The following RALYL variants were observed in gnomAD, a reference collection of about 807,000 sequenced individuals.
RALYL encodes RALY RNA binding protein like, also known as RNA-binding Raly-like protein.
A neutral mutation model predicts 35.1 loss-of-function variants in RALYL; 29 were observed. That is an observed-to-expected ratio of 0.83 (90% CI 0.61 to 1.13). The LOEUF (loss-of-function observed/expected upper bound fraction) is 1.13, where lower values mean the gene tolerates loss of function less well. RALYL is among the 50% of genes most tolerant of loss of function. RALYL has a pLI of 0.00. For synonymous variants in RALYL, 120 were observed against 127.6 expected (o/e 0.94, Z 0.40); for missense variants, 359 against 360.4 (o/e 1.00, Z 0.03).
intron 1 of RALYL, among the ~76,000 whole-genome samples, chr8:84,524,310 C>G (rs1014401262): frequency 6.6e-6 from 1 of 152,124 alleles, no homozygotes; most frequent in Non-Finnish European, 1.5e-5. Flanking sequence ...AGACATTTCT[C>G]AAAAGAAGAC....
chr8:84,317,087 A>G (rs1843892027), intron 1 of RALYL, among the ~76,000 whole-genome samples: 1 of 152,148 alleles, frequency 6.6e-6, no homozygotes, highest in South Asian at 2.1e-4. Context: ...AAAGGAATAT[A>G]GTCAGAGCAG....
intron 3 of RALYL, among the ~76,000 whole-genome samples, chr8:84,791,486 G>A (rs1362582730): frequency 6.6e-6 from 1 of 152,194 alleles, no homozygotes; most frequent in Non-Finnish European, 1.5e-5. Flanking sequence ...GTAAAATAAA[G>A]AGCTTTTGGA....
intron 1 of RALYL, among the ~76,000 whole-genome samples, chr8:84,388,615 GT>G (rs1245552799): frequency 1.3e-5 from 2 of 152,028 alleles, no homozygotes; most frequent in Non-Finnish European, 2.9e-5. Flanking sequence ...TTTTTCATGT[GT>G]TTTTTGGCTG....
chr8:84,605,609 C>T (rs1473442279), intron 2 of RALYL, among the ~76,000 whole-genome samples: 1 of 152,106 alleles, frequency 6.6e-6, no homozygotes, highest in Non-Finnish European at 1.5e-5. Flanking sequence ...AGGTTCTATG[C>T]CCACAGCCAT....
chr8:84,374,027 G>A (rs1173472292), intron 1 of RALYL, among the ~76,000 whole-genome samples: 1 of 151,882 alleles, frequency 6.6e-6, no homozygotes, highest in African/African-American at 2.4e-5. Flanking sequence ...TTAGTCTATA[G>A]GAATGCTAGT....
intron 2 of RALYL, among the ~76,000 whole-genome samples, chr8:84,715,205 A>G (rs1842784288): frequency 1.3e-5 from 2 of 151,926 alleles, no homozygotes; most frequent in South Asian, 4.1e-4. Flanking sequence ...ATTGACAAAT[A>G]TATTGAATGT....
intron 2 of RALYL, among the ~76,000 whole-genome samples, chr8:84,540,313 T>TTGTGTGTGTG (rs138650642): frequency 6.9e-6 from 1 of 144,894 alleles, no homozygotes; most frequent in African/African-American, 2.5e-5. Flanking sequence ...ATCATAGGAT[T>TTGTGTGTGTG]TGTGTGTGTG....
At chr8:84,647,796 G>A (rs1827816451) in intron 2 of RALYL, among the ~76,000 whole-genome samples, 2 of 152,148 alleles carry the variant, frequency 1.3e-5, no homozygotes, top group South Asian at 2.1e-4. Context: ...GAAGGATAAC[G>A]AGTGCTGGAG....
chr8:84,193,382 G>C (rs1346188677), intron 1 of RALYL, among the ~76,000 whole-genome samples: 1 of 152,184 alleles, frequency 6.6e-6, no homozygotes, highest in Non-Finnish European at 1.5e-5. Context: ...GGTGTGATTA[G>C]TAGTAGCGCA....
chr8:84,237,904 G>A (rs969895600), intron 1 of RALYL, among the ~76,000 whole-genome samples: 3 of 150,968 alleles, frequency 2.0e-5, no homozygotes, highest in African/African-American at 4.9e-5. Flanking sequence ...GAAGAGAAAG[G>A]TACACCAAAA....
At chr8:84,808,210 C>T (rs1825108321) in intron 4 of RALYL, among the ~76,000 whole-genome samples, 1 of 152,148 alleles carries the variant, frequency 6.6e-6, no homozygotes, top group Non-Finnish European at 1.5e-5. Flanking sequence ...CAGTTTCATT[C>T]TCCTACATGT....
chr8:84,554,369 G>T (rs141038536), intron 2 of RALYL, among the ~76,000 whole-genome samples: 3 of 152,214 alleles, frequency 2.0e-5, no homozygotes, highest in East Asian at 1.9e-4. Flanking sequence ...GAAGAGAAAA[G>T]ATATCAAAAT....
intron 2 of RALYL, among the ~76,000 whole-genome samples, chr8:84,609,606 T>C (rs944433496): frequency 3.3e-5 from 5 of 152,198 alleles, no homozygotes; most frequent in African/African-American, 1.2e-4. Context: ...TAAAACGATT[T>C]TTTGAAACAA....
At chr8:84,795,214 C>T (rs923185574) in intron 3 of RALYL, among the ~76,000 whole-genome samples, 1 of 152,166 alleles carries the variant, frequency 6.6e-6, no homozygotes, top group African/African-American at 2.4e-5. Flanking sequence ...GTCTCCTCAA[C>T]CTTGTAGGTA....
At chr8:84,437,056 T>C (rs1421837697) in intron 1 of RALYL, among the ~76,000 whole-genome samples, 1 of 152,112 alleles carries the variant, frequency 6.6e-6, no homozygotes, top group Admixed American at 6.6e-5. Flanking sequence ...CCAATGTTTA[T>C]TGCTGCCATT....
At chr8:84,272,085 GTTTTGTTTTAT>G (rs940467590) in intron 1 of RALYL, among the ~76,000 whole-genome samples, 1 of 151,632 alleles carries the variant, frequency 6.6e-6, no homozygotes, top group African/African-American at 2.4e-5. Context: ...TTGGTTCTTT[GTTTTGTTTTAT>G]TTTTGTTTTT....
At chr8:84,252,256 A>G (rs574853410) in intron 1 of RALYL, among the ~76,000 whole-genome samples, 2 of 152,268 alleles carry the variant, frequency 1.3e-5, no homozygotes, top group South Asian at 2.1e-4. Flanking sequence ...CTTCCCTATT[A>G]CTATCATTTA....
chr8:84,788,808 G>C (rs1282340541), intron 3 of RALYL, among the ~76,000 whole-genome samples: 2 of 152,070 alleles, frequency 1.3e-5, no homozygotes, highest in Non-Finnish European at 2.9e-5. Context: ...CAGGATATGG[G>C]GGCCAGGAGA....
chr8:84,676,083 C>T (rs1017131310), intron 2 of RALYL, among the ~76,000 whole-genome samples: 2 of 151,944 alleles, frequency 1.3e-5, no homozygotes, highest in South Asian at 2.1e-4. Flanking sequence ...GTCAAGTATA[C>T]CTCAACAAGG....
Sources: gnomAD v4.1 joint callset for allele counts (sites outside exome capture counted in the v4.1 genomes callset) on GRCh38, gnomAD v4.1.1 for gene constraint, MANE v1.5 for transcripts, NCBI Gene and HGNC (gene_info 2026-07-23, HGNC 2026-07-21) for gene names.